CACNA2D3: variants seen among roughly 807,000 people sequenced by gnomAD.
The protein encoded by CACNA2D3 is calcium voltage-gated channel auxiliary subunit alpha2delta 3.
CACNA2D3 carries 60 observed loss-of-function variants against 160.6 expected under a neutral mutation model. That is an observed-to-expected ratio of 0.37 (90% confidence interval 0.30 to 0.46). The LOEUF is 0.46. Among genes scored for constraint, CACNA2D3 ranks in the 20% least tolerant of loss-of-function variants. CACNA2D3 has a pLI of 1.00. For synonymous variants in CACNA2D3, 558 were observed against 492.9 expected (o/e 1.13, Z -1.75); for missense variants, 1,205 against 1,365.0 (o/e 0.88, Z 1.85).
chr3:54,633,343 T>C (rs1043167865), intron 10 of CACNA2D3, among the ~76,000 whole-genome samples: 2 of 152,182 alleles, frequency 1.3e-5, no homozygotes, highest in Non-Finnish European at 2.9e-5. Flanking sequence ...GCAAGTTAGC[T>C]AATCTCTCTG....
chr3:54,835,506 CTAAGTT>C (rs923952126), intron 14 of CACNA2D3, among the ~76,000 whole-genome samples: 2 of 152,178 alleles, frequency 1.3e-5, no homozygotes, highest in Non-Finnish European at 2.9e-5. Flanking sequence ...AAAAGAAAGA[CTAAGTT>C]TAATGACCTT....
intron 11 of CACNA2D3, among the ~76,000 whole-genome samples, chr3:54,717,786 CGT>C (rs528767460): frequency 0.059 from 4,099 of 69,892 alleles, 183 homozygotes; most frequent in African/African-American, 0.18. Flanking sequence ...TGTGCATGTG[CGT>C]GTGTGGTGTG....
intron 14 of CACNA2D3, among the ~76,000 whole-genome samples, chr3:54,826,147 G>T (rs1703744917): frequency 6.6e-6 from 1 of 152,090 alleles, no homozygotes; most frequent in African/African-American, 2.4e-5. Context: ...TAATGGTCTG[G>T]TCATGTTCAG....
chr3:54,707,310 T>C (rs1235718904), intron 11 of CACNA2D3, among the ~76,000 whole-genome samples: 1 of 152,236 alleles, frequency 6.6e-6, no homozygotes. Context: ...AAGTTTGTTA[T>C]GTTTCCCACA....
intron 2 of CACNA2D3, chr3:54,273,040 G>A (rs748471257): frequency 2.0e-5 from 3 of 152,356 alleles, no homozygotes; most frequent in Non-Finnish European, 4.4e-5. Context: ...TCTTCCTGGT[G>A]AGCAGATTGT....
At chr3:54,125,580 T>TG (rs1699576265) in intron 2 of CACNA2D3, among the ~76,000 whole-genome samples, 1 of 152,208 alleles carries the variant, frequency 6.6e-6, no homozygotes, top group Non-Finnish European at 1.5e-5. Flanking sequence ...TCGTCTGCTC[T>TG]GGGGGTCCTG....
intron 6 of CACNA2D3, among the ~76,000 whole-genome samples, chr3:54,566,499 A>G (rs553398846): frequency 4.3e-4 from 65 of 152,148 alleles, no homozygotes; most frequent in African/African-American, 1.4e-3. Context: ...TGACTGATCT[A>G]TTCTTCCTGT....
At chr3:55,052,443 T>C (rs555410143) in intron 35 of CACNA2D3, among the ~76,000 whole-genome samples, 44 of 132,794 alleles carry the variant, frequency 3.3e-4, no homozygotes, top group Non-Finnish European at 6.4e-4. Context: ...TATATATGTA[T>C]ATACCTGTGT....
At chr3:54,857,023 C>T (rs1699186471) in intron 17 of CACNA2D3, among the ~76,000 whole-genome samples, 1 of 152,148 alleles carries the variant, frequency 6.6e-6, no homozygotes, top group Non-Finnish European at 1.5e-5. Flanking sequence ...TCAGGCAAGC[C>T]ACCTGTCTTG....
chr3:54,798,751 A>G (rs1014565510), intron 13 of CACNA2D3, among the ~76,000 whole-genome samples: 1 of 152,188 alleles, frequency 6.6e-6, no homozygotes, highest in South Asian at 2.1e-4. Context: ...ATACCAACCC[A>G]CTAGCGAGCA....
intron 11 of CACNA2D3, among the ~76,000 whole-genome samples, chr3:54,702,595 CAG>C (rs1700787412): frequency 6.6e-6 from 1 of 152,130 alleles, no homozygotes. Flanking sequence ...TTAAAAATAA[CAG>C]ATGTTAGGTT....
At chr3:54,654,649 C>T (rs780433153) in intron 11 of CACNA2D3, among the ~76,000 whole-genome samples, 27 of 151,974 alleles carry the variant, frequency 1.8e-4, no homozygotes, top group Non-Finnish European at 3.1e-4. Context: ...AAGGGCATGC[C>T]GGCGGGCAAG....
In CACNA2D3 at chr3:54,951,035, A is replaced by G. The variant is rs562758038; in HGVS notation, c.2450-17415A>G. 1.6e-3 allele frequency among the ~76,000 whole-genome samples: 251 copies of G among 152,344 alleles called. 1 individual carries two copies. The highest frequency in any genetic ancestry group is 2.9e-3 in the Non-Finnish European group (196 of 68,024). The stretch of plus-strand genomic sequence containing the variant: ...GTAATATTCCCTTTACTATCTCCAA[A>G]TGAAATTCATAGAAAATGTAACTTG... On this transcript the variant is annotated intron_variant, in intron 27 of 37. Coordinates refer to ENST00000474759, the MANE Select transcript of CACNA2D3 (RefSeq NM_018398.3).
At chr3:54,920,412 C>G (rs964395357) in intron 27 of CACNA2D3, among the ~76,000 whole-genome samples, 20 of 119,972 alleles carry the variant, frequency 1.7e-4, no homozygotes, top group African/African-American at 3.5e-4. Context: ...AATCACCCAC[C>G]ACCAGAGTGT....
intron 2 of CACNA2D3, among the ~76,000 whole-genome samples, chr3:54,318,214 G>A (rs534073006): frequency 1.3e-5 from 2 of 152,308 alleles, no homozygotes; most frequent in African/African-American, 4.8e-5. Flanking sequence ...GATGCCAGGA[G>A]AGAAGAGCAC....
At chr3:54,879,938 G>A (rs1238895854) in intron 20 of CACNA2D3, among the ~76,000 whole-genome samples, 2 of 152,158 alleles carry the variant, frequency 1.3e-5, no homozygotes, top group Non-Finnish European at 2.9e-5. Flanking sequence ...TTTCAGATGT[G>A]TATGTAGCAT....
At chr3:54,672,856 G>C (rs142130099) in intron 11 of CACNA2D3, among the ~76,000 whole-genome samples, 1 of 152,214 alleles carries the variant, frequency 6.6e-6, no homozygotes, top group Non-Finnish European at 1.5e-5. Flanking sequence ...TGGCTGGCAC[G>C]AGTAAATCCT....
intron 11 of CACNA2D3, among the ~76,000 whole-genome samples, chr3:54,659,700 C>T (rs1699934153): frequency 6.6e-6 from 1 of 152,154 alleles, no homozygotes; most frequent in African/African-American, 2.4e-5. Context: ...ACAGGAAAGG[C>T]TTTCAGGTGG....
Position 55,073,846 on chromosome 3 carries a change from G to T in CACNA2D3, c.3170G>T (p.Gly1057Val), listed in dbSNP as rs999051944. ...KIRRRPESCH[G>V]FHPEENAREC... ...AGAAGGCGCCCAGAATCTTGTCATG[G>T]CTTCCATCCTGAGGTAAGTCTGAGA... Residue 1057 changes from glycine to valine, a missense_variant, in exon 37 of 38, where the codon GGC becomes GTC. Gly to Val is a moderately radical substitution (Grantham distance 109). Coordinates refer to ENST00000474759, the MANE Select transcript of CACNA2D3 (RefSeq NM_018398.3). 1 of 1,613,278 alleles carries T rather than the reference G, an allele frequency of 6.2e-7. No homozygotes were observed. The highest frequency in any genetic ancestry group is 8.5e-7 in the Non-Finnish European group (1 of 1,179,540).
Sources: allele counts gnomAD v4.1 joint callset (sites outside exome capture counted in the v4.1 genomes callset), GRCh38; gene constraint gnomAD v4.1.1; transcripts MANE v1.5; gene names NCBI Gene and HGNC (gene_info 2026-07-23, HGNC 2026-07-21).